The following CRTAC1 variants were observed in gnomAD, a reference collection of about 807,000 sequenced individuals.
CRTAC1 encodes the protein cartilage acidic protein 1.
CRTAC1 carries 37 observed loss-of-function variants against 67.8 expected under a neutral mutation model. That is an observed-to-expected ratio of 0.55 (90% CI 0.42 to 0.72). The LOEUF is 0.72. Ranked by LOEUF, CRTAC1 falls within the 30% of genes least tolerant of loss-of-function variation. CRTAC1 has a pLI of 0.00. For synonymous variants in CRTAC1, 348 were observed against 371.0 expected (o/e 0.94, Z 0.71); for missense variants, 780 against 931.6 (o/e 0.84, Z 2.12).
intron 3 of CRTAC1, among the ~76,000 whole-genome samples, chr10:97,933,796 C>T (rs2051039781): frequency 6.6e-6 from 1 of 152,216 alleles, no homozygotes; most frequent in Non-Finnish European, 1.5e-5. Flanking sequence ...GAGCATGAAA[C>T]TAGCATGATT....
chr10:97,923,969 GCCCTGGGAGGC>G (rs1262625210), intron 3 of CRTAC1, among the ~76,000 whole-genome samples: 1 of 152,142 alleles, frequency 6.6e-6, no homozygotes, highest in Non-Finnish European at 1.5e-5. Flanking sequence ...AGTTTGGGCA[GCCCTGGGAGGC>G]CCCTGGTCCC....
At chr10:97,905,351 G>T (rs1009720707) in intron 6 of CRTAC1, among the ~76,000 whole-genome samples, 1 of 152,126 alleles carries the variant, frequency 6.6e-6, no homozygotes, top group African/African-American at 2.4e-5. Flanking sequence ...GCTCAAGCAG[G>T]TCTCTACCTG....
Position 97,886,733 on chromosome 10 carries a change from C to G in CRTAC1, c.1487-2382G>C, listed in dbSNP as rs140053735. Among the ~76,000 whole-genome samples, 473 of 151,806 alleles carry G rather than the reference C, an allele frequency of 3.1e-3. 1 individual carries two copies. Among genetic ancestry groups the G allele is most frequent in the African/African-American group, 0.011 (460 of 41,374 alleles). On this transcript the variant is annotated intron_variant, in intron 11 of 14. Coordinates refer to ENST00000370597, the MANE Select transcript of CRTAC1 (RefSeq NM_018058.7). ...GATCTCAGCTCACTGCAACCTCCCC[C>G]TCCCAGGTTGAAGCCATTCTCCTGC...
chr10:97,974,415 C>T (rs2051765488), intron 2 of CRTAC1, among the ~76,000 whole-genome samples: 1 of 152,226 alleles, frequency 6.6e-6, no homozygotes. Context: ...GCTCAAGCAG[C>T]AAGGTCACCT....
At chr10:98,026,095 C>T (rs1843227621) in intron 1 of CRTAC1, among the ~76,000 whole-genome samples, 1 of 152,220 alleles carries the variant, frequency 6.6e-6, no homozygotes, top group South Asian at 2.1e-4. Flanking sequence ...ATAATATCCC[C>T]TTCCAACTGA....
Position 97,893,604 on chromosome 10 carries a change from T to G in CRTAC1, c.1486+1641A>C, listed in dbSNP as rs552060215. On this transcript the variant is annotated intron_variant, in intron 11 of 14. Coordinates refer to ENST00000370597, the MANE Select transcript of CRTAC1 (RefSeq NM_018058.7). ...AAATAATTATAGATTCACAGGAAAT[T>G]GCAAAGATAGTACAGAGAGCTCCTC... Among the ~76,000 whole-genome samples, 3 of 152,304 alleles carry G rather than the reference T, an allele frequency of 2.0e-5. No individual in the cohort carries two copies. In the East Asian group the frequency reaches 5.8e-4, roughly 29 times the overall value.
intron 1 of CRTAC1, among the ~76,000 whole-genome samples, chr10:98,013,685 G>T (rs59557570): frequency 0.2 from 30,727 of 152,038 alleles, 3,256 homozygotes; most frequent in Middle Eastern, 0.23. Flanking sequence ...AAAAGATTTT[G>T]TTTTTTGGAT....
intron 1 of CRTAC1, among the ~76,000 whole-genome samples, chr10:98,015,744 T>C (rs937361674): frequency 7.9e-5 from 12 of 152,250 alleles, no homozygotes; most frequent in Admixed American, 1.3e-4. Flanking sequence ...ATGAATCACC[T>C]GGTGGTCTTG....
chr10:97,946,452 G>T (rs2051265374), intron 2 of CRTAC1, among the ~76,000 whole-genome samples: 1 of 152,144 alleles, frequency 6.6e-6, no homozygotes, highest in African/African-American at 2.4e-5. Flanking sequence ...GACCAGAGGG[G>T]AGATTGTGTT....
chr10:97,889,414 C>T (rs1481182559), intron 11 of CRTAC1, among the ~76,000 whole-genome samples: 2 of 145,290 alleles, frequency 1.4e-5, no homozygotes, highest in African/African-American at 5.1e-5. Context: ...CGAGGAGCAG[C>T]AGGGACAGGC....
chr10:98,002,726 C>A (rs1590281468), intron 2 of CRTAC1, among the ~76,000 whole-genome samples: 1 of 116,220 alleles, frequency 8.6e-6, no homozygotes, highest in Non-Finnish European at 1.7e-5. Context: ...CACCGAGGAA[C>A]AAAGTATGCT....
chr10:97,971,798 G>T (rs958826615), intron 2 of CRTAC1, among the ~76,000 whole-genome samples: 2 of 152,190 alleles, frequency 1.3e-5, no homozygotes, highest in South Asian at 4.1e-4. Flanking sequence ...TCAAAGATAC[G>T]TCTTATTACA....
At chr10:97,938,700 A>G (rs909396517) in intron 2 of CRTAC1, among the ~76,000 whole-genome samples, 7 of 152,170 alleles carry the variant, frequency 4.6e-5, no homozygotes, top group African/African-American at 1.2e-4. Flanking sequence ...ATAGTCTTAC[A>G]TTTCAATAGC....
At chr10:97,890,283 A>G (rs899606576) in intron 11 of CRTAC1, among the ~76,000 whole-genome samples, 20 of 106,362 alleles carry the variant, frequency 1.9e-4, no homozygotes, top group Non-Finnish European at 2.3e-4. Context: ...CACCGGGCTA[A>G]TTTTTGTAGA....
At chr10:97,874,547 C>G (rs889560179) in intron 14 of CRTAC1, among the ~76,000 whole-genome samples, 4 of 152,136 alleles carry the variant, frequency 2.6e-5, no homozygotes, top group African/African-American at 9.7e-5. Context: ...TCTCCCACCA[C>G]AGGTGTCCTG....
chr10:97,904,837 C>G (rs775028595), intron 6 of CRTAC1, 23 bp from the exon 7 acceptor site: 2 of 1,584,366 alleles, frequency 1.3e-6, no homozygotes, highest in Admixed American at 1.9e-5. Context: ...GGCAGGAACT[C>G]TCAGGGCGGC....
chr10:97,958,667 T>A (rs2051477873), intron 2 of CRTAC1, among the ~76,000 whole-genome samples: 1 of 152,106 alleles, frequency 6.6e-6, no homozygotes, highest in South Asian at 2.1e-4. Context: ...AGCACACCCT[T>A]TCTTACTTGA....
chr10:97,992,377 C>T (rs929001093), intron 2 of CRTAC1, among the ~76,000 whole-genome samples: 1 of 152,204 alleles, frequency 6.6e-6, no homozygotes, highest in Non-Finnish European at 1.5e-5. Context: ...TTATGGAAAA[C>T]CGTATGGAAG....
chr10:97,984,590 ACAGGGT>A (rs1413503510), intron 2 of CRTAC1, among the ~76,000 whole-genome samples: 1 of 152,270 alleles, frequency 6.6e-6, no homozygotes, highest in African/African-American at 2.4e-5. Flanking sequence ...AAGCATGGTT[ACAGGGT>A]CTGGTGTTCT....
Sources: allele counts gnomAD v4.1 joint callset (sites outside exome capture counted in the v4.1 genomes callset), GRCh38; gene constraint gnomAD v4.1.1; transcripts MANE v1.5; gene names NCBI Gene and HGNC (gene_info 2026-07-23, HGNC 2026-07-21).